Variants in UBR2 observed in about 807,000 individuals in gnomAD.
UBR2 encodes E3 ubiquitin-protein ligase UBR2.
In UBR2, 92 loss-of-function variants were observed where a neutral mutation model predicts 247.9. That is an observed-to-expected ratio of 0.37 (90% CI 0.31 to 0.44). UBR2 has a LOEUF of 0.44. Ranked by LOEUF, UBR2 falls within the 20% of genes least tolerant of loss-of-function variation. The probability of loss-of-function intolerance (pLI) is 1.00; values close to 1 mark genes in which losing one functional copy is unlikely to be tolerated. For synonymous variants in UBR2, 672 were observed against 693.5 expected, an observed-to-expected ratio of 0.97 and a Z score of 0.49; for missense variants, 1,613 against 2,112.6, an observed-to-expected ratio of 0.76 and a Z score of 4.64.
chr6:42,632,567 A>C lies in UBR2; in HGVS notation c.1297A>C (p.Thr433Pro). 6.2e-7 allele frequency: 1 copy of C among 1,607,516 alleles called. No homozygotes were observed. The highest frequency in any genetic ancestry group is 2.2e-5 in the East Asian group (1 of 44,790). ...TTGTTTTTAGGCTCGAATGCTCATC[A>C]CAGAAGAAAACTTAATGAGCATTAT... Reference protein sequence around the residue: ...TVPSLARMLITEENLMSIIIK... With the variant: ...TVPSLARMLIPEENLMSIIIK... Residue 433 changes from threonine to proline, a missense_variant, in exon 12 of 47, where the codon ACA becomes CCA. This residue lies in a region of UBR2 where 1,524 missense variants were observed against 1,967.3 expected (regional missense o/e 0.77). Transcript: ENST00000372901.
intron 33 of UBR2, 100 bp from the exon 34 acceptor site, chr6:42,666,067 A>T: frequency 1.0e-6 from 1 of 991,334 alleles, no homozygotes; most frequent in Non-Finnish European, 1.4e-6. Flanking sequence ...TTATTAGGGA[A>T]TTTTTTTCCT....
chr6:42,691,163 A>G lies in UBR2; in HGVS notation c.5258A>G (p.Gln1753Arg). ...CAGACACTGGTTGGCATTGACTGGC[A>G]ACATTTATAATTATTGCACCACCAA... Reference protein sequence around the residue: ...ANQTLVGIDWQHL With the variant: ...ANQTLVGIDWRHL Residue 1753 changes from glutamine (Q) to arginine (R), a missense_variant, in exon 47 of 47, where the codon CAA (glutamine) becomes CGA (arginine). Around this residue, in one of 3 missense-constraint regions of UBR2, gnomAD observed 80 missense variants for 108.6 expected, o/e 0.74. Coordinates refer to ENST00000372901, the MANE Select transcript of UBR2 (RefSeq NM_001363705.2). The G allele has an allele frequency of 6.2e-7, 1 of 1,613,430 alleles. No individual in the cohort carries two copies. Among genetic ancestry groups the G allele is most frequent in the Non-Finnish European group, 8.5e-7 (1 of 1,179,876 alleles).
At chr6:42,638,109 C>T (rs1421202494) in intron 15 of UBR2, among the ~76,000 whole-genome samples, 1 of 152,020 alleles carries the variant, frequency 6.6e-6, no homozygotes, top group African/African-American at 2.4e-5. Flanking sequence ...CAGAATTCAC[C>T]AGTGAAGTCA....
intron 11 of UBR2, chr6:42,619,451 AT>A (rs1176906204): frequency 4.3e-5 from 1 of 23,018 alleles, no homozygotes; most frequent in African/African-American, 1.1e-4. Flanking sequence ...ATATATATAT[AT>A]ATTTTTTTTT....
rs1799800374 is a variant in UBR2 at position 42,692,537 on chromosome 6, A to G, written c.*1364A>G. ...GAGTGACTGAAGACTTAGTAGAGGA[A>G]TAAATTCTGAGCCTGTCTAAGGTGG... On this transcript the variant is annotated 3_prime_UTR_variant, in exon 47 of 47. Transcript: ENST00000372901. 1 of 152,238 alleles carries G rather than the reference A, an allele frequency of 6.6e-6. No homozygotes were observed. The highest frequency in any genetic ancestry group is 1.5e-5 in the Non-Finnish European group (1 of 68,044). 9.4% of individuals were successfully genotyped at this position (152,238 alleles called of 1,614,324 possible). A position where few individuals can be genotyped will look rare whatever the true frequency, so the allele number is the denominator to read the frequency against.
chr6:42,690,932 A>G (rs1347676426), intron 46 of UBR2, 100 bp from the exon 47 acceptor site: 7 of 1,482,720 alleles, frequency 4.7e-6, no homozygotes, highest in Non-Finnish European at 4.6e-6. Flanking sequence ...AGGGAGTCTA[A>G]AACCAATAAC....
At chr6:42,627,999 G>A (rs1795462225) in intron 11 of UBR2, among the ~76,000 whole-genome samples, 1 of 152,052 alleles carries the variant, frequency 6.6e-6, no homozygotes, top group Non-Finnish European at 1.5e-5. Context: ...TTTTGCAAAG[G>A]TAGCTTTGTT....
At chr6:42,596,006 G>T (rs974671447) in intron 4 of UBR2, among the ~76,000 whole-genome samples, 1 of 150,652 alleles carries the variant, frequency 6.6e-6, no homozygotes, top group Admixed American at 6.7e-5. Context: ...GACAAATAAA[G>T]ATATATTTGA....
At chr6:42,582,577 G>A (rs887197303) in intron 2 of UBR2, among the ~76,000 whole-genome samples, 8 of 151,972 alleles carry the variant, frequency 5.3e-5, no homozygotes, top group African/African-American at 9.7e-5. Context: ...AGTAATGTAC[G>A]AAAGTTCCTG....
At chr6:42,635,265 T>C (rs1474792479) in intron 13 of UBR2, among the ~76,000 whole-genome samples, 153 bp from the exon 14 acceptor site, 1 of 152,224 alleles carries the variant, frequency 6.6e-6, no homozygotes. Flanking sequence ...TTAAAAGCTA[T>C]TATTTCTCAT....
chr6:42,584,946 G>A (rs1482216669), intron 2 of UBR2, among the ~76,000 whole-genome samples: 2 of 152,094 alleles, frequency 1.3e-5, no homozygotes, highest in African/African-American at 4.8e-5. Context: ...AATGGAGACA[G>A]TTTTACTTTT....
intron 30 of UBR2, among the ~76,000 whole-genome samples, 192 bp downstream of exon 30, chr6:42,660,047 A>G (rs1450212972): frequency 6.6e-6 from 1 of 152,236 alleles, no homozygotes; most frequent in Non-Finnish European, 1.5e-5. Flanking sequence ...CCTGAATCAC[A>G]TAGCTGATAA....
At chr6:42,636,557 C>T (rs1315104718) in intron 14 of UBR2, among the ~76,000 whole-genome samples, 2 of 152,074 alleles carry the variant, frequency 1.3e-5, no homozygotes, top group African/African-American at 4.8e-5. Context: ...AACTCTTGCC[C>T]CCTTTATCCA....
intron 11 of UBR2, among the ~76,000 whole-genome samples, chr6:42,626,772 C>G (rs1374172115): frequency 1.3e-5 from 2 of 152,134 alleles, no homozygotes; most frequent in African/African-American, 4.8e-5. Context: ...CCTTATATAA[C>G]TTTAGAATTT....
At chr6:42,568,282 A>G (rs369678702) in intron 1 of UBR2, among the ~76,000 whole-genome samples, 3 of 152,312 alleles carry the variant, frequency 2.0e-5, no homozygotes, top group East Asian at 3.9e-4. Flanking sequence ...ACCTATTGGC[A>G]GTCACTTCCC....
intron 2 of UBR2, among the ~76,000 whole-genome samples, chr6:42,580,493 T>A (rs1329893244): frequency 6.6e-6 from 1 of 152,198 alleles, no homozygotes; most frequent in East Asian, 1.9e-4. Flanking sequence ...GAGTTTTGAG[T>A]GTTTTTTCTT....
chr6:42,608,880 A>G (rs1270803531), intron 7 of UBR2, among the ~76,000 whole-genome samples: 1 of 152,176 alleles, frequency 6.6e-6, no homozygotes, highest in Non-Finnish European at 1.5e-5. Flanking sequence ...ATTTTAATGT[A>G]GCAAAAGATA....
chr6:42,626,237 T>C (rs1001931868), intron 11 of UBR2, among the ~76,000 whole-genome samples: 1 of 152,236 alleles, frequency 6.6e-6, no homozygotes, highest in Non-Finnish European at 1.5e-5. Flanking sequence ...TCTTTATAGA[T>C]TATTAGATCA....
intron 25 of UBR2, among the ~76,000 whole-genome samples, chr6:42,653,606 C>CTTTTTTTTTTTTTTT (rs72460060): frequency 5.9e-5 from 3 of 50,582 alleles, no homozygotes; most frequent in African/African-American, 2.7e-4. Context: ...ATGCTAAGCC[C>CTTTTTTTTTTTTTTT]TTTTTTTTTT....
Sources: allele counts gnomAD v4.1 joint callset (sites outside exome capture counted in the v4.1 genomes callset), GRCh38; gene constraint gnomAD v4.1.1; regional missense constraint gnomAD v4.1.1; transcripts MANE v1.5; gene names NCBI Gene and HGNC (gene_info 2026-07-23, HGNC 2026-07-21).